The following CNTN4 variants were observed in gnomAD, a reference collection of about 807,000 sequenced individuals.
CNTN4 encodes the protein contactin-4.
A neutral mutation model predicts 122.5 loss-of-function variants in CNTN4; 77 were observed. That is an observed-to-expected ratio of 0.63 (90% CI 0.52 to 0.76). The LOEUF (loss-of-function observed/expected upper bound fraction) is 0.76, where lower values mean the gene tolerates loss of function less well. Ranked by LOEUF, CNTN4 falls within the 30% of genes least tolerant of loss-of-function variation. The probability of loss-of-function intolerance (pLI) is 0.00; values close to 1 mark genes in which losing one functional copy is unlikely to be tolerated. For missense variants in CNTN4, 1,256 were observed against 1,259.1 expected, an observed-to-expected ratio of 1.00 and a Z score of 0.04; for synonymous variants, 512 against 447.0, an observed-to-expected ratio of 1.15 and a Z score of -1.83.
At chr3:2,698,540 T>A (rs112306314) in intron 4 of CNTN4, among the ~76,000 whole-genome samples, 6,911 of 152,224 alleles carry the variant, frequency 0.045, 236 homozygotes, top group African/African-American at 0.083. Context: ...ATTAATTTTT[T>A]AAAAATTAAG....
chr3:2,613,082 C>T (rs2081569263), intron 4 of CNTN4, among the ~76,000 whole-genome samples: 1 of 152,112 alleles, frequency 6.6e-6, no homozygotes, highest in Admixed American at 6.6e-5. Context: ...AATACATCAT[C>T]CGTGAACTAA....
At chr3:2,328,338 G>C (rs58340498) in intron 2 of CNTN4, among the ~76,000 whole-genome samples, 49,096 of 145,608 alleles carry the variant, frequency 0.34, 9,459 homozygotes, top group East Asian at 0.77. Flanking sequence ...CCCGGGAGGC[G>C]GAGCTTGCGG....
chr3:2,196,446 A>T (rs1485939803), intron 2 of CNTN4, among the ~76,000 whole-genome samples: 2 of 152,124 alleles, frequency 1.3e-5, no homozygotes, highest in African/African-American at 2.4e-5. Flanking sequence ...CTCTTTGTGC[A>T]TTTGTTCAAT....
At chr3:2,285,880 C>G (rs13096302) in intron 2 of CNTN4, among the ~76,000 whole-genome samples, 74,815 of 151,856 alleles carry the variant, frequency 0.49, 19,150 homozygotes, top group South Asian at 0.62. Flanking sequence ...CTTCATTATA[C>G]TAATGGCCAA....
chr3:2,824,633 T>C (rs939598660), intron 7 of CNTN4, among the ~76,000 whole-genome samples: 7 of 152,178 alleles, frequency 4.6e-5, no homozygotes, highest in Non-Finnish European at 8.8e-5. Context: ...GAGCATTCCT[T>C]ATGTGAAATT....
At chr3:2,172,208 A>G (rs1446681831) in intron 2 of CNTN4, among the ~76,000 whole-genome samples, 1 of 152,218 alleles carries the variant, frequency 6.6e-6, no homozygotes, top group Non-Finnish European at 1.5e-5. Flanking sequence ...ACACCATGGA[A>G]TACTACTCAG....
At chr3:2,120,537 G>A (rs2033701065) in intron 2 of CNTN4, among the ~76,000 whole-genome samples, 1 of 150,526 alleles carries the variant, frequency 6.6e-6, no homozygotes, top group South Asian at 2.1e-4. Flanking sequence ...CGAGTAGCTG[G>A]GATTACAGGT....
chr3:2,144,790 A>G (rs182948644), intron 2 of CNTN4, among the ~76,000 whole-genome samples: 2 of 152,352 alleles, frequency 1.3e-5, no homozygotes, highest in Non-Finnish European at 2.9e-5. Context: ...GTATCTGTCA[A>G]AGCCATATCA....
At chr3:2,840,350 T>G (rs1231529023) in intron 7 of CNTN4, among the ~76,000 whole-genome samples, 1 of 152,038 alleles carries the variant, frequency 6.6e-6, no homozygotes, top group Non-Finnish European at 1.5e-5. Flanking sequence ...TCTTTTCCTT[T>G]GTTCCTGCTT....
intron 3 of CNTN4, among the ~76,000 whole-genome samples, chr3:2,417,130 A>G (rs892807944): frequency 6.6e-6 from 1 of 152,236 alleles, no homozygotes. Flanking sequence ...TGGACCAGAC[A>G]GAAGCACATC....
chr3:2,734,519 T>C (rs12638512), intron 4 of CNTN4, among the ~76,000 whole-genome samples: 87,099 of 152,050 alleles, frequency 0.57, 28,895 homozygotes, highest in Non-Finnish European at 0.75. Context: ...ATGGTCTTTC[T>C]GAATCCTCAC....
intron 3 of CNTN4, among the ~76,000 whole-genome samples, chr3:2,377,017 A>C (rs2045844755): frequency 2.6e-5 from 4 of 152,150 alleles, no homozygotes; most frequent in Admixed American, 2.6e-4. Flanking sequence ...TTAGCCAGGC[A>C]TAGTGGAGCA....
At chr3:2,426,136 G>C (rs9875816) in intron 3 of CNTN4, among the ~76,000 whole-genome samples, 47,451 of 152,094 alleles carry the variant, frequency 0.31, 8,130 homozygotes, top group East Asian at 0.61. Context: ...GGGCATCCCT[G>C]TCTTGTGCCA....
At chr3:2,672,146 G>C (rs370149108) in intron 4 of CNTN4, among the ~76,000 whole-genome samples, 22 of 152,330 alleles carry the variant, frequency 1.4e-4, no homozygotes, top group African/African-American at 4.8e-4. Flanking sequence ...CAAGCTGTCA[G>C]ACAGGGACAT....
rs767290664 is a variant in CNTN4 at position 2,679,095 on chromosome 3, T to G, written c.56-57120T>G. 1.4e-3 allele frequency among the ~76,000 whole-genome samples: 213 copies of G among 152,328 alleles called. 1 individual carries two copies. The highest frequency in any genetic ancestry group is 7.5e-4 in the Non-Finnish European group (51 of 68,034). On this transcript the variant is annotated intron_variant, in intron 4 of 24. Coordinates refer to ENST00000418658, the MANE Select transcript of CNTN4 (RefSeq NM_175607.3). ...CATGCTAATATCTTCAATGAGGTGCTTAATTCCCCATCTTAATCAGCCGTT... is the reference window on the plus strand; with the variant it reads ...CATGCTAATATCTTCAATGAGGTGCGTAATTCCCCATCTTAATCAGCCGTT...
chr3:2,819,677 A>T (rs748477704), intron 7 of CNTN4, 96 bp downstream of exon 7: 14 of 912,838 alleles, frequency 1.5e-5, no homozygotes, highest in Admixed American at 9.5e-5. Context: ...GCACAGTGTC[A>T]TTTATAGAGA....
At chr3:2,569,111 C>T (rs147319022) in intron 3 of CNTN4, among the ~76,000 whole-genome samples, 243 of 152,286 alleles carry the variant, frequency 1.6e-3, no homozygotes, top group African/African-American at 5.6e-3. Flanking sequence ...ATTAGAGATA[C>T]GGCCAGCTTT....
chr3:2,163,956 AAGAG>A (rs557130780), intron 2 of CNTN4, among the ~76,000 whole-genome samples: 1 of 152,192 alleles, frequency 6.6e-6, no homozygotes, highest in South Asian at 2.1e-4. Context: ...AAGGAACTAA[AAGAG>A]AGAGCTAAGC....
chr3:2,644,378 C>T (rs2083026268), intron 4 of CNTN4, among the ~76,000 whole-genome samples: 1 of 152,090 alleles, frequency 6.6e-6, no homozygotes, highest in South Asian at 2.1e-4. Flanking sequence ...TCAGAAGCTC[C>T]ATACATCTAG....
Sources: gnomAD v4.1 joint callset for allele counts (sites outside exome capture counted in the v4.1 genomes callset) on GRCh38, gnomAD v4.1.1 for gene constraint, MANE v1.5 for transcripts, NCBI Gene and HGNC (gene_info 2026-07-23, HGNC 2026-07-21) for gene names.